The following CADPS variants were observed in gnomAD, a reference collection of about 807,000 sequenced individuals.
CADPS encodes the protein calcium dependent secretion activator.
In CADPS, 57 loss-of-function variants were observed where a neutral mutation model predicts 167.3. That is an observed-to-expected ratio of 0.34 (90% confidence interval 0.28 to 0.42). The LOEUF is 0.42. Ranked by LOEUF, CADPS falls within the 20% of genes least tolerant of loss-of-function variation. CADPS has a pLI of 1.00. For synonymous variants in CADPS, 676 were observed against 635.3 expected (o/e 1.06, Z -0.96); for missense variants, 1,414 against 1,738.1 (o/e 0.81, Z 3.32).
intron 8 of CADPS, among the ~76,000 whole-genome samples, chr3:62,571,546 G>A (rs1311318137): frequency 2.0e-5 from 3 of 151,750 alleles, no homozygotes. Flanking sequence ...AAGCCGTCCG[G>A]ACATGTTAAG....
At chr3:62,511,292 T>C (rs1330117630) in intron 17 of CADPS, among the ~76,000 whole-genome samples, 2 of 152,154 alleles carry the variant, frequency 1.3e-5, no homozygotes, top group Non-Finnish European at 2.9e-5. Flanking sequence ...TCCACTACTA[T>C]CATTTCACTC....
intron 3 of CADPS, among the ~76,000 whole-genome samples, chr3:62,751,992 G>A (rs1194907398): frequency 6.6e-6 from 1 of 152,150 alleles, no homozygotes; most frequent in African/African-American, 2.4e-5. Context: ...ATATGCATAA[G>A]CTGTTGCAAT....
At position 62,875,219 on chromosome 3, in the gene CADPS, AC is replaced by A; in HGVS notation, c.-191del. 1.5e-6 allele frequency: 1 copy of A among 656,730 alleles called. No homozygotes were observed. Among genetic ancestry groups the A allele is most frequent in the Non-Finnish European group, 2.1e-6 (1 of 466,642 alleles). The allele number at this position is 656,730 out of a possible 1,614,324, so 40.7% of individuals were successfully genotyped here. A position where few individuals can be genotyped will look rare whatever the true frequency, so the allele number is the denominator to read the frequency against. On this transcript the variant is annotated 5_prime_UTR_variant, in exon 1 of 30. Coordinates refer to ENST00000383710, the MANE Select transcript of CADPS (RefSeq NM_003716.4). Reference sequence around the variant, plus strand: ...CCCGGCGGTCGCGAGCTGGGCTCAGACCCAGAAGCGCGAAGGGAGGAGGGGA... The same window carrying A: ...CCCGGCGGTCGCGAGCTGGGCTCAGACCAGAAGCGCGAAGGGAGGAGGGGA...
intron 3 of CADPS, among the ~76,000 whole-genome samples, chr3:62,728,871 C>T (rs1240352006): frequency 6.6e-6 from 1 of 151,822 alleles, no homozygotes; most frequent in African/African-American, 2.4e-5. Context: ...CTTCTTGTGT[C>T]CACTAGGGTG....
chr3:62,620,543 ATAGAGCAGGTACTACT>A, intron 6 of CADPS, among the ~76,000 whole-genome samples: 1 of 152,178 alleles, frequency 6.6e-6, no homozygotes, highest in Non-Finnish European at 1.5e-5. Flanking sequence ...CAACAACCTT[ATAGAGCAGGTACTACT>A]ACTGCTTCCA....
At chr3:62,757,035 G>C (rs932782197) in intron 2 of CADPS, among the ~76,000 whole-genome samples, 2 of 152,180 alleles carry the variant, frequency 1.3e-5, no homozygotes, top group African/African-American at 2.4e-5. Context: ...GTGGAAAAGA[G>C]ACTGATGAAG....
intron 4 of CADPS, among the ~76,000 whole-genome samples, chr3:62,652,649 A>G (rs138208639): frequency 2.8e-4 from 42 of 152,140 alleles, no homozygotes; most frequent in African/African-American, 8.2e-4. Flanking sequence ...GAAGAGAGAG[A>G]AAGAGGTAGA....
At chr3:62,811,247 C>T (rs1164949233) in intron 1 of CADPS, among the ~76,000 whole-genome samples, 5 of 152,006 alleles carry the variant, frequency 3.3e-5, no homozygotes, top group African/African-American at 1.2e-4. Flanking sequence ...GCTCTCTCCT[C>T]TTTTTTCCAC....
chr3:62,828,080 C>T (rs138040790), intron 1 of CADPS, among the ~76,000 whole-genome samples: 15 of 152,196 alleles, frequency 9.9e-5, no homozygotes, highest in African/African-American at 3.4e-4. Flanking sequence ...CTTGTGGGGT[C>T]GGTAGCAATG....
chr3:62,495,021 T>C (rs922900092), intron 18 of CADPS, among the ~76,000 whole-genome samples: 3 of 152,194 alleles, frequency 2.0e-5, no homozygotes, highest in African/African-American at 7.2e-5. Flanking sequence ...GTGCCACTTC[T>C]ACGATCTATA....
chr3:62,562,837 T>C (rs1265008410), intron 9 of CADPS, among the ~76,000 whole-genome samples: 64 of 152,230 alleles, frequency 4.2e-4, no homozygotes, highest in Non-Finnish European at 2.9e-5. Flanking sequence ...TCTCCTTGGT[T>C]GCAGTGACTG....
chr3:62,540,211 G>T (rs1160010906), intron 11 of CADPS, among the ~76,000 whole-genome samples: 1 of 152,006 alleles, frequency 6.6e-6, no homozygotes, highest in Admixed American at 6.6e-5. Context: ...AGGAAGCTGG[G>T]AGTCCTTCCC....
At chr3:62,775,150 A>G (rs145458449) in intron 1 of CADPS, among the ~76,000 whole-genome samples, 3,410 of 151,490 alleles carry the variant, frequency 0.023, 62 homozygotes, top group South Asian at 0.061. Context: ...CGATTCTCAT[A>G]CTTTAGCCTC....
intron 3 of CADPS, among the ~76,000 whole-genome samples, chr3:62,683,611 A>C (rs990852165): frequency 6.6e-6 from 1 of 152,082 alleles, no homozygotes; most frequent in Non-Finnish European, 1.5e-5. Context: ...ATACTTCATT[A>C]TTAACTAAAG....
In CADPS at chr3:62,403,465, C is replaced by G. The variant is rs146841630; in HGVS notation, c.3778-280G>C. The G allele has an allele frequency of 6.7e-3, 1,537 of 230,934 alleles. 3 individuals are homozygous for G. Among genetic ancestry groups the G allele is most frequent in the Non-Finnish European group, 0.01 (1,207 of 119,498 alleles). The allele number at this position is 230,934 out of a possible 1,614,324, so 14.3% of individuals were successfully genotyped here. ...GACATTTCCTATGTTTCAATTCATA[C>G]AGACCATCTTTTGCTCTTCTGATTC... On this transcript the variant is annotated intron_variant, in intron 28 of 29. Transcript: ENST00000383710.
At chr3:62,403,291 C>A in intron 28 of CADPS, 106 bp from the exon 29 acceptor site, 2 of 722,560 alleles carry the variant, frequency 2.8e-6, no homozygotes, top group South Asian at 1.7e-5. Context: ...CAGGAGGAAA[C>A]AAAATGGTTA....
chr3:62,542,346 T>A (rs1400566214), intron 11 of CADPS, among the ~76,000 whole-genome samples: 1 of 152,146 alleles, frequency 6.6e-6, no homozygotes, highest in African/African-American at 2.4e-5. Flanking sequence ...GTGCTTGTCA[T>A]ATCTGCTTGA....
At chr3:62,527,453 G>C (rs1185974495) in intron 13 of CADPS, among the ~76,000 whole-genome samples, 2 of 151,928 alleles carry the variant, frequency 1.3e-5, no homozygotes, top group Non-Finnish European at 2.9e-5. Context: ...GTGTGCTGGG[G>C]GTGGGGGGTG....
At chr3:62,621,606 AGTTCAGGGGTATAT>A (rs2063176208) in intron 6 of CADPS, among the ~76,000 whole-genome samples, 1 of 152,004 alleles carries the variant, frequency 6.6e-6, no homozygotes, top group African/African-American at 2.4e-5. Context: ...GTTTTTATTA[AGTTCAGGGGTATAT>A]GTTCAGGTTA....
Sources: allele counts gnomAD v4.1 joint callset (sites outside exome capture counted in the v4.1 genomes callset), GRCh38; gene constraint gnomAD v4.1.1; transcripts MANE v1.5; gene names NCBI Gene and HGNC (gene_info 2026-07-23, HGNC 2026-07-21).